Variants in SYMPK observed in about 807,000 individuals in gnomAD.
SYMPK encodes symplekin scaffold protein.
In SYMPK, 49 loss-of-function variants were observed where a neutral mutation model predicts 136.4. The ratio of observed to expected loss-of-function variants is 0.36; its 90% CI spans 0.29 to 0.46. The LOEUF is 0.46. Among genes scored for constraint, SYMPK ranks in the 20% least tolerant of loss-of-function variants. SYMPK has a pLI of 1.00. For missense variants in SYMPK, 1,365 were observed against 1,690.0 expected (o/e 0.81, Z 3.37); for synonymous variants, 766 against 713.0 (o/e 1.07, Z -1.19).
chr19:45,825,554 A>G (rs1378060683), intron 17 of SYMPK, among the ~76,000 whole-genome samples: 7 of 152,044 alleles, frequency 4.6e-5, no homozygotes, highest in African/African-American at 1.7e-4. Context: ...GGATCTTTCT[A>G]AAGTGCGATC....
chr19:45,816,432 T>G (rs1600486063), intron 25 of SYMPK, 50 bp downstream of exon 25: 2 of 1,567,868 alleles, frequency 1.3e-6, no homozygotes, highest in Admixed American at 1.9e-5. Context: ...TGGCTTGGGG[T>G]AGGGGGTGGG....
At chr19:45,845,604 G>A (rs1335467762) in intron 7 of SYMPK, among the ~76,000 whole-genome samples, 1 of 152,122 alleles carries the variant, frequency 6.6e-6, no homozygotes, top group Non-Finnish European at 1.5e-5. Flanking sequence ...CTCTGTTGAT[G>A]AATACTTAGT....
chr19:45,844,204 A>G lies in SYMPK; in HGVS notation c.677-4T>C, dbSNP rs1477681787. On this transcript the variant is annotated splice_polypyrimidine_tract_variant and splice_region_variant and intron_variant, in intron 7 of 26. Coordinates refer to ENST00000245934, the MANE Select transcript of SYMPK (RefSeq NM_004819.3). The stretch of plus-strand genomic sequence containing the variant: ...TTGCCCTCTTCCCATAGCACGTCTA[A>G]GAGACAGAGAGGAGAACCAGTCAGT... 1.3e-6 allele frequency: 2 copies of G among 1,576,528 alleles called. No homozygotes were observed. Among genetic ancestry groups the G allele is most frequent in the Non-Finnish European group, 1.7e-6 (2 of 1,160,962 alleles).
chr19:45,826,197 C>T (rs753969867), intron 17 of SYMPK, 29 bp downstream of exon 17: 1 of 1,599,548 alleles, frequency 6.3e-7, no homozygotes, highest in South Asian at 1.1e-5. Flanking sequence ...CAGCAGCGCT[C>T]AGTATGCATC....
At chr19:45,830,810 A>G (rs934315678) in intron 12 of SYMPK, 1 of 152,008 alleles carries the variant, frequency 6.6e-6, no homozygotes. Flanking sequence ...AATGGCATGA[A>G]CTCGGGAGGC....
At position 45,847,757 on chromosome 19, in the gene SYMPK, T is replaced by C. The variant is rs1330717686; in HGVS notation, c.671A>G (p.Gln224Arg). The part of the protein sequence containing the change: ...DRIPRDHPYI[Q>R]YNVLWEEGKA... Reference sequence around the variant, plus strand: ...CAGCTGAAGGCAGTACTCACTGTACTGGATGTAGGGGTGGTCACGAGGGAT... The same window carrying C: ...CAGCTGAAGGCAGTACTCACTGTACCGGATGTAGGGGTGGTCACGAGGGAT... Residue 224 changes from glutamine to arginine, a missense_variant, in exon 7 of 27, where the codon CAG (glutamine) becomes CGG (arginine). Gln to Arg is a conservative substitution (Grantham distance 43). Transcript: ENST00000245934. 5 of 1,613,064 alleles carry C rather than the reference T, an allele frequency of 3.1e-6. No homozygotes were observed. Among genetic ancestry groups the C allele is most frequent in the Non-Finnish European group, 4.2e-6 (5 of 1,179,604 alleles).
intron 1 of SYMPK, 154 bp from the exon 2 acceptor site, chr19:45,854,661 G>T (rs1971779087): frequency 1.6e-6 from 1 of 636,106 alleles, no homozygotes; most frequent in East Asian, 2.8e-5. Context: ...CCCCTCCAGG[G>T]TCTGTCTCTG....
Position 45,844,091 on chromosome 19 carries a change from A to G in SYMPK, c.786T>C (p.Asn262=). The change falls in exon 8 of 27, where the codon AAT becomes AAC. Residue 262 remains asparagine (N), a synonymous_variant. Coordinates refer to ENST00000245934, the MANE Select transcript of SYMPK (RefSeq NM_004819.3). ...NLTTALGSLA[N]IARQRPMFMS... The stretch of plus-strand genomic sequence containing the variant: ...TGAACATGGGTCTCTGGCGGGCGAT[A>G]TTGGCAAGGGAGCCCAGCGCTGTGG... The G allele has an allele frequency of 1.9e-6, 3 of 1,611,704 alleles. No individual in the cohort carries two copies. The highest frequency in any genetic ancestry group is 2.5e-6 in the Non-Finnish European group (3 of 1,178,960).
Position 45,826,379 on chromosome 19 carries a change from G to A in SYMPK, c.2182-6C>T, listed in dbSNP as rs1424528947. The A allele has an allele frequency of 6.2e-7, 1 of 1,614,060 alleles. No individual in the cohort carries two copies. Among genetic ancestry groups the A allele is most frequent in the Admixed American group, 1.7e-5 (1 of 60,014 alleles). ...AGCAGGGCCTGGGAGCGCACCTGAG[G>A]AGGAAGATGGAGAAGGGCAGGGTCA... On this transcript the variant is annotated splice_polypyrimidine_tract_variant and splice_region_variant and intron_variant, in intron 16 of 26. Coordinates refer to ENST00000245934, the MANE Select transcript of SYMPK (RefSeq NM_004819.3).
intron 1 of SYMPK, chr19:45,854,764 C>A: frequency 4.1e-6 from 2 of 493,286 alleles, no homozygotes; most frequent in Non-Finnish European, 3.7e-6. Context: ...GGGCCAACCA[C>A]AAACAGCTGC....
chr19:45,833,594 G>A (rs2146318693), intron 11 of SYMPK, among the ~76,000 whole-genome samples: 1 of 152,282 alleles, frequency 6.6e-6, no homozygotes, highest in African/African-American at 2.4e-5. Flanking sequence ...GCAACAGAGT[G>A]AGAATCTGTC....
At chr19:45,854,879 CTTTTTT>C (rs35065812) in intron 1 of SYMPK, 47 of 155,346 alleles carry the variant, frequency 3.0e-4, no homozygotes, top group Non-Finnish European at 5.9e-4. Context: ...AGCAAACTTT[CTTTTTT>C]TTTTTTTTTT....
rs764395185 is a variant in SYMPK, at chr19:45,825,321, T to G, written c.2340A>C (p.Ala780=). The G allele has an allele frequency of 1.9e-5, 31 of 1,613,622 alleles. No individual in the cohort carries two copies. Among genetic ancestry groups the G allele is most frequent in the Middle Eastern group, 1.6e-4 (1 of 6,080 alleles). ...GCTTCACTGTCTCCTCCGTCCAGGG[T>G]GCTGCCACCTCTGACAGGGCAGGAG... ...FGADKDTEVA[A]PWTEETVKQC... The change falls in exon 18 of 27, where the codon GCA becomes GCC. Residue 780 remains alanine, a synonymous_variant. Coordinates refer to ENST00000245934, the MANE Select transcript of SYMPK (RefSeq NM_004819.3).
intron 10 of SYMPK, among the ~76,000 whole-genome samples, chr19:45,837,616 C>CAA (rs58960244): frequency 0.2 from 15,451 of 76,980 alleles, 1,712 homozygotes; most frequent in East Asian, 0.34. Context: ...GACTCTGCCT[C>CAA]AAAAAAAAAA....
At chr19:45,854,860 G>T in intron 1 of SYMPK, 1 of 240,958 alleles carries the variant, frequency 4.2e-6, no homozygotes, top group South Asian at 7.0e-5. Context: ...GCTTTGGACT[G>T]GGCACCACAG....
rs868459557 is a variant in SYMPK, at chr19:45,825,141, G to A, written c.2490+30C>T. The A allele has an allele frequency of 7.5e-6, 12 of 1,602,594 alleles. No individual in the cohort carries two copies. In the Middle Eastern group the frequency reaches 5.2e-4, roughly 69 times the overall value. Reference sequence around the variant, plus strand: ...GGGGACACAGCCTTGCCCGTGGGTGGGCAGGGCCTGGTGGGCTCAGGGGCC... The same window carrying A: ...GGGGACACAGCCTTGCCCGTGGGTGAGCAGGGCCTGGTGGGCTCAGGGGCC... On this transcript the variant is annotated intron_variant, in intron 18 of 26. Coordinates refer to ENST00000245934, the MANE Select transcript of SYMPK (RefSeq NM_004819.3).
At chr19:45,843,115 C>T (rs115384655) in intron 8 of SYMPK, 4,253 of 152,316 alleles carry the variant, frequency 0.028, 200 homozygotes, top group African/African-American at 0.096. Flanking sequence ...AATCTCTGCT[C>T]AGCCAATCAG....
rs1971364180 is a variant in SYMPK, at chr19:45,838,670, C to T, written c.1088-55G>A. The T allele has an allele frequency of 1.9e-6, 3 of 1,568,222 alleles. No individual in the cohort carries two copies. The African/African-American group carries it at 4.0e-5, about 21-fold the overall frequency. ...GCTATAGAGAGAGCTGCAGGCCCTCCATCCTTCCGGGGTGCCCGGGTGGTC... is the reference window on the plus strand; with the variant it reads ...GCTATAGAGAGAGCTGCAGGCCCTCTATCCTTCCGGGGTGCCCGGGTGGTC... On this transcript the variant is annotated intron_variant, in intron 9 of 26. Transcript: ENST00000245934.
rs767467277 is a variant in SYMPK, at chr19:45,847,934, G to A, written c.494C>T (p.Ala165Val). 59 of 1,611,722 alleles carry A rather than the reference G, an allele frequency of 3.7e-5. No individual in the cohort carries two copies. Among genetic ancestry groups the A allele is most frequent in the East Asian group, 4.5e-5 (2 of 44,816 alleles). Residue 165 changes from alanine to valine, a missense_variant, in exon 7 of 27, where the codon GCG becomes GTG. By Grantham distance (64) the Ala-to-Val change is moderately conservative. This residue lies in a region of SYMPK where 237 missense variants were observed against 292.9 expected (regional missense o/e 0.81). Transcript: ENST00000245934. The part of the protein sequence containing the change: ...EACWDMVSAM[A>V]GDIILLLDSD... ...GTCCAATAGCAGGATGATGTCCCCC[G>A]CCATGGCAGATACCATGTCCCAGCA...
Sources: gnomAD v4.1 joint callset for allele counts (sites outside exome capture counted in the v4.1 genomes callset) on GRCh38, gnomAD v4.1.1 for gene constraint, gnomAD v4.1.1 regional missense constraint, MANE v1.5 for transcripts, NCBI Gene and HGNC (gene_info 2026-07-23, HGNC 2026-07-21) for gene names.